Variants in CLVS1 observed in about 807,000 individuals in gnomAD.
CLVS1 encodes clavesin 1, also known as clavesin-1.
A neutral mutation model predicts 33.1 loss-of-function variants in CLVS1; 10 were observed. The observed-to-expected ratio is 0.30, with a 90% CI of 0.19 to 0.51. The LOEUF is 0.51. CLVS1 is among the 20% of genes least tolerant of loss of function. CLVS1 has a pLI of 0.97. For synonymous variants in CLVS1, 163 were observed against 166.1 expected, an observed-to-expected ratio of 0.98 and a Z score of 0.14; for missense variants, 343 against 433.4, an observed-to-expected ratio of 0.79 and a Z score of 1.85.
At chr8:61,060,052 C>T (rs138284954) in intron 1 of CLVS1, among the ~76,000 whole-genome samples, 1,651 of 152,202 alleles carry the variant, frequency 0.011, 29 homozygotes, top group African/African-American at 0.038. Flanking sequence ...CCGGAATGAC[C>T]TTGGCAGTAG....
At chr8:61,370,170 A>T (rs554533861) in intron 2 of CLVS1, among the ~76,000 whole-genome samples, 35 of 151,732 alleles carry the variant, frequency 2.3e-4, no homozygotes, top group Non-Finnish European at 4.6e-4. Flanking sequence ...AGGTTTAAAG[A>T]CAGAACTGGG....
chr8:61,281,935 A>G lies in CLVS1; in HGVS notation c.-151-17742A>G, dbSNP rs780687567. On this transcript the variant is annotated intron_variant, in intron 2 of 2. Coordinates refer to the CLVS1 transcript ENST00000522621. ...CTGCAAAGATCTTCATATAGCAACA[A>G]ATAACTAACACGCCATGAAGTTCTG... Among the ~76,000 whole-genome samples, 45 of 152,332 alleles carry G rather than the reference A, an allele frequency of 3.0e-4. No individual in the cohort carries two copies. In the Middle Eastern group the frequency reaches 0.014, roughly 46 times the overall value.
chr8:61,390,695 G>A (rs1387930819), intron 3 of CLVS1, among the ~76,000 whole-genome samples: 1 of 152,124 alleles, frequency 6.6e-6, no homozygotes, highest in Non-Finnish European at 1.5e-5. Flanking sequence ...TCTCTTTTCT[G>A]TGTATTGCCT....
At chr8:61,039,336 T>C in the CLVS1 span, among the ~76,000 whole-genome samples, 2 of 152,330 alleles carry the variant, frequency 1.3e-5, no homozygotes, top group Middle Eastern at 6.8e-3. Context: ...TAAAGTGCCA[T>C]GATTCACTAA....
At chr8:61,143,429 A>G (rs1159600133) in intron 2 of CLVS1, among the ~76,000 whole-genome samples, 2 of 152,144 alleles carry the variant, frequency 1.3e-5, no homozygotes, top group Non-Finnish European at 1.5e-5. Flanking sequence ...GAGATTTAAG[A>G]TGCTAATGAG....
intron 1 of CLVS1, among the ~76,000 whole-genome samples, chr8:61,059,028 A>T (rs182198163): frequency 1.3e-5 from 2 of 152,314 alleles, no homozygotes; most frequent in East Asian, 3.9e-4. Context: ...CTTTGTGTGG[A>T]CATGTGCTTT....
At chr8:60,999,682 G>C in the CLVS1 span, among the ~76,000 whole-genome samples, 1 of 152,228 alleles carries the variant, frequency 6.6e-6, no homozygotes, top group African/African-American at 2.4e-5. Context: ...GATTAATAAA[G>C]CAAGAGGGAG....
chr8:61,477,529 G>T (rs952053467), intron 5 of CLVS1, among the ~76,000 whole-genome samples: 2 of 152,150 alleles, frequency 1.3e-5, no homozygotes, highest in African/African-American at 4.8e-5. Context: ...AGTCTTGGGA[G>T]GGTGTATGTG....
At position 61,314,786 on chromosome 8, in the gene CLVS1, T is replaced by C. The variant is rs76685024; in HGVS notation, c.455+14504T>C. Among the ~76,000 whole-genome samples, 4 of 152,346 alleles carry C rather than the reference T, an allele frequency of 2.6e-5. No individual in the cohort carries two copies. In the East Asian group the frequency reaches 7.7e-4, roughly 29 times the overall value. On this transcript the variant is annotated intron_variant, in intron 2 of 5. Transcript: ENST00000325897. ...TTTTGTTGTTGTTGTTACTTCTTTC[T>C]CCTTTTAGCTGTTAATTCAACTTGC...
At chr8:61,006,126 A>G in the CLVS1 span, among the ~76,000 whole-genome samples, 2 of 152,162 alleles carry the variant, frequency 1.3e-5, no homozygotes, top group Non-Finnish European at 2.9e-5. Context: ...GGACTAGCAC[A>G]TTACCGATTT....
chr8:61,484,138 A>G (rs894893601), intron 5 of CLVS1, among the ~76,000 whole-genome samples: 17 of 152,344 alleles, frequency 1.1e-4, no homozygotes, highest in African/African-American at 1.7e-4. Flanking sequence ...AATTAGGAAA[A>G]GAGGAAGTCA....
chr8:61,355,945 A>G (rs984704160), intron 2 of CLVS1, among the ~76,000 whole-genome samples: 1 of 152,180 alleles, frequency 6.6e-6, no homozygotes, highest in African/African-American at 2.4e-5. Context: ...GGGATGGCTG[A>G]GTCAAATGGT....
intron 2 of CLVS1, among the ~76,000 whole-genome samples, chr8:61,343,370 A>G (rs1812093839): frequency 6.6e-6 from 1 of 152,228 alleles, no homozygotes. Context: ...GAACAAGTCT[A>G]AAGAATATAG....
intron 5 of CLVS1, among the ~76,000 whole-genome samples, 166 bp from the exon 6 acceptor site, chr8:61,499,289 C>T (rs1461389622): frequency 6.6e-6 from 1 of 152,216 alleles, no homozygotes; most frequent in African/African-American, 2.4e-5. Flanking sequence ...GATCCTCCCA[C>T]CTCAGCCTCC....
At chr8:61,357,459 T>G (rs7007732) in intron 2 of CLVS1, among the ~76,000 whole-genome samples, 2,315 of 140,926 alleles carry the variant, frequency 0.016, 58 homozygotes, top group African/African-American at 0.059. Flanking sequence ...TGCCAGGACG[T>G]TTTTTTTTCC....
At chr8:61,256,188 G>C (rs1021940423) in intron 2 of CLVS1, among the ~76,000 whole-genome samples, 1 of 151,998 alleles carries the variant, frequency 6.6e-6, no homozygotes, top group Non-Finnish European at 1.5e-5. Flanking sequence ...ACTACTAAAG[G>C]TACCTCAGGT....
At chr8:61,273,391 C>A (rs1809490382) in intron 2 of CLVS1, among the ~76,000 whole-genome samples, 1 of 152,158 alleles carries the variant, frequency 6.6e-6, no homozygotes, top group Admixed American at 6.5e-5. Flanking sequence ...CTGCTCTCTT[C>A]AAAGCTGTCA....
At chr8:61,414,736 A>G (rs987078132) in intron 3 of CLVS1, among the ~76,000 whole-genome samples, 1 of 152,194 alleles carries the variant, frequency 6.6e-6, no homozygotes. Flanking sequence ...GAGAGTTAAT[A>G]TGATTAAAAT....
At chr8:61,205,601 T>C (rs1807823495) in intron 2 of CLVS1, among the ~76,000 whole-genome samples, 2 of 152,228 alleles carry the variant, frequency 1.3e-5, no homozygotes, top group Non-Finnish European at 2.9e-5. Context: ...GCTTTCTATG[T>C]ATGCTGCCTT....
Sources: allele counts gnomAD v4.1 joint callset (sites outside exome capture counted in the v4.1 genomes callset), GRCh38; gene constraint gnomAD v4.1.1; transcripts MANE v1.5; gene names NCBI Gene and HGNC (gene_info 2026-07-23, HGNC 2026-07-21).